Variants in UBE3C observed in about 807,000 individuals in gnomAD.
UBE3C encodes the protein ubiquitin-protein ligase E3C.
A neutral mutation model predicts 129.4 loss-of-function variants in UBE3C; 42 were observed. That is an observed-to-expected ratio of 0.32 (90% confidence interval 0.25 to 0.42). UBE3C has a LOEUF of 0.42. Ranked by LOEUF, UBE3C falls within the 10% of genes least tolerant of loss-of-function variation. The probability of loss-of-function intolerance (pLI) is 1.00; values close to 1 mark genes in which losing one functional copy is unlikely to be tolerated. For synonymous variants in UBE3C, 510 were observed against 492.4 expected (o/e 1.04, Z -0.47); for missense variants, 1,049 against 1,319.1 (o/e 0.80, Z 3.17).
In UBE3C at chr7:157,198,178, G is replaced by A. The variant is rs753804329; in HGVS notation, c.1332-3543G>A. On this transcript the variant is annotated intron_variant, in intron 10 of 22. Coordinates refer to ENST00000348165, the MANE Select transcript of UBE3C (RefSeq NM_014671.3). ...AGTTTAAGCAAAATCTGAACATCTT[G>A]TAGCTGATTTTCTCCATGCATATAT... 1.4e-5 allele frequency: 23 copies of A among 1,607,714 alleles called. No homozygotes were observed. In the East Asian group the frequency reaches 4.7e-4, roughly 33 times the overall value.
intron 6 of UBE3C, among the ~76,000 whole-genome samples, chr7:157,180,929 T>A (rs1490373046): frequency 6.6e-6 from 1 of 152,170 alleles, no homozygotes; most frequent in East Asian, 1.9e-4. Flanking sequence ...ACCCTGGGGC[T>A]CAGGAGCCTC....
At chr7:157,186,632 T>C (rs1169397892) in intron 9 of UBE3C, among the ~76,000 whole-genome samples, 1 of 152,168 alleles carries the variant, frequency 6.6e-6, no homozygotes, top group Non-Finnish European at 1.5e-5. Flanking sequence ...ATTCAGAGTT[T>C]ACTGTGTTAG....
At chr7:157,146,333 G>A (rs1049190434) in intron 1 of UBE3C, among the ~76,000 whole-genome samples, 23 of 151,160 alleles carry the variant, frequency 1.5e-4, no homozygotes, top group Non-Finnish European at 3.0e-4. Context: ...CCTCTGTCAA[G>A]CAGTTCTCCG....
intron 17 of UBE3C, among the ~76,000 whole-genome samples, chr7:157,230,044 G>A (rs1463723114): frequency 1.3e-5 from 2 of 152,146 alleles, no homozygotes; most frequent in Admixed American, 6.5e-5. Flanking sequence ...AAGTAGCTGG[G>A]ATTACAGACA....
At chr7:157,209,107 A>G (rs1256404927) in intron 13 of UBE3C, among the ~76,000 whole-genome samples, 1 of 152,204 alleles carries the variant, frequency 6.6e-6, no homozygotes, top group East Asian at 1.9e-4. Flanking sequence ...CTTCTTGGCC[A>G]TGTTTGGAGA....
intron 11 of UBE3C, among the ~76,000 whole-genome samples, chr7:157,205,046 A>G (rs1202271748): frequency 6.6e-6 from 1 of 152,194 alleles, no homozygotes; most frequent in African/African-American, 2.4e-5. Flanking sequence ...GTTATGTGTG[A>G]ATCAGTGTCT....
chr7:157,242,524 T>TG (rs1584815050), intron 18 of UBE3C, among the ~76,000 whole-genome samples: 2 of 147,480 alleles, frequency 1.4e-5, no homozygotes, highest in Non-Finnish European at 3.0e-5. Flanking sequence ...GTTTTTTTTT[T>TG]TTTTTTTTTT....
chr7:157,170,770 G>C (rs1808346421), intron 4 of UBE3C, among the ~76,000 whole-genome samples: 1 of 152,146 alleles, frequency 6.6e-6, no homozygotes, highest in Non-Finnish European at 1.5e-5. Flanking sequence ...AGCACGCCTA[G>C]GTCAGTGGGA....
chr7:157,218,905 T>C (rs1795659667), intron 14 of UBE3C, among the ~76,000 whole-genome samples: 1 of 152,136 alleles, frequency 6.6e-6, no homozygotes, highest in African/African-American at 2.4e-5. Flanking sequence ...ATTTGTAGGA[T>C]GCAAAGGAAC....
chr7:157,245,820 A>G (rs573347567), intron 18 of UBE3C, among the ~76,000 whole-genome samples: 1 of 151,938 alleles, frequency 6.6e-6, no homozygotes, highest in Non-Finnish European at 1.5e-5. Context: ...GTGAAACTCC[A>G]TCTCTACTAA....
chr7:157,225,814 G>A (rs904655036), intron 17 of UBE3C, among the ~76,000 whole-genome samples: 1 of 152,138 alleles, frequency 6.6e-6, no homozygotes, highest in African/African-American at 2.4e-5. Flanking sequence ...ATCTGGATGT[G>A]TTAGCGTGCC....
chr7:157,242,900 C>CA (rs1796379857), intron 18 of UBE3C, among the ~76,000 whole-genome samples: 1 of 152,068 alleles, frequency 6.6e-6, no homozygotes, highest in Non-Finnish European at 1.5e-5. Flanking sequence ...ACTCAAAATA[C>CA]AAAAATAAGC....
intron 8 of UBE3C, 88 bp downstream of exon 8, chr7:157,182,416 T>C: frequency 1.5e-6 from 2 of 1,371,474 alleles, no homozygotes; most frequent in Non-Finnish European, 2.0e-6. Context: ...GTGGCAGGTG[T>C]TATGGAAAGG....
At chr7:157,170,686 A>G (rs1029931127) in intron 4 of UBE3C, among the ~76,000 whole-genome samples, 5 of 152,180 alleles carry the variant, frequency 3.3e-5, no homozygotes, top group African/African-American at 9.7e-5. Flanking sequence ...TTTGCAGTGG[A>G]AAACCTTAAG....
chr7:157,190,372 T>A (rs140329860), intron 10 of UBE3C, among the ~76,000 whole-genome samples: 83 of 152,246 alleles, frequency 5.5e-4, no homozygotes, highest in African/African-American at 1.8e-3. Flanking sequence ...CTTGGTTGTC[T>A]GTACCTGCAG....
intron 18 of UBE3C, chr7:157,231,529 T>C (rs1584806456): frequency 7.6e-6 from 5 of 662,232 alleles, no homozygotes; most frequent in Admixed American, 3.1e-5. Flanking sequence ...CAAACTCATG[T>C]TGAAACTTGA....
intron 10 of UBE3C, among the ~76,000 whole-genome samples, chr7:157,200,861 C>T (rs984438332): frequency 6.6e-6 from 1 of 152,146 alleles, no homozygotes; most frequent in African/African-American, 2.4e-5. Context: ...AGCAATCTGC[C>T]TCCTTTGGCC....
intron 4 of UBE3C, 116 bp from the exon 5 acceptor site, chr7:157,174,803 T>C: frequency 1.5e-6 from 1 of 664,826 alleles, no homozygotes; most frequent in East Asian, 2.9e-5. Context: ...TAACCATCTT[T>C]TGATTAGGTT....
Position 157,254,056 on chromosome 7 carries a change from C to G in UBE3C, c.2797C>G (p.Arg933Gly), listed in dbSNP as rs138959964. 1 of 1,613,640 alleles carries G rather than the reference C, an allele frequency of 6.2e-7. No individual in the cohort carries two copies. Among genetic ancestry groups the G allele is most frequent in the East Asian group, 2.2e-5 (1 of 44,858 alleles). Residue 933 changes from arginine to glycine, a missense_variant, in exon 20 of 23, where the codon CGC (arginine) becomes GGC (glycine). By Grantham distance (125) the Arg-to-Gly change is moderately radical. Coordinates refer to ENST00000348165, the MANE Select transcript of UBE3C (RefSeq NM_014671.3). The part of the protein sequence containing the change: ...VADYRLNRQI[R>G]QHCLAFRQGL... The stretch of plus-strand genomic sequence containing the variant: ...AGACTACAGGCTGAACAGGCAGATC[C>G]GCCAGCACTGCCTGGCTTTCCGCCA...
Sources: allele counts gnomAD v4.1 joint callset (sites outside exome capture counted in the v4.1 genomes callset), GRCh38; gene constraint gnomAD v4.1.1; transcripts MANE v1.5; gene names NCBI Gene and HGNC (gene_info 2026-07-23, HGNC 2026-07-21).